Variants in GREB1L observed in about 807,000 individuals in gnomAD.
The protein encoded by GREB1L is GREB1 like retinoic acid receptor coactivator.
In GREB1L, 17 loss-of-function variants were observed where a neutral mutation model predicts 200.8. The ratio of observed to expected loss-of-function variants is 0.08; its 90% CI spans 0.06 to 0.13. GREB1L has a LOEUF of 0.13. Among genes scored for constraint, GREB1L ranks in the 10% least tolerant of loss-of-function variants. The probability of loss-of-function intolerance (pLI) is 1.00; values close to 1 mark genes in which losing one functional copy is unlikely to be tolerated. For missense variants in GREB1L, 1,657 were observed against 2,367.7 expected (o/e 0.70, Z 6.23); for synonymous variants, 789 against 893.0 (o/e 0.88, Z 2.08).
intron 23 of GREB1L, among the ~76,000 whole-genome samples, chr18:21,501,119 C>A (rs889930088): frequency 6.6e-6 from 1 of 151,232 alleles, no homozygotes; most frequent in Non-Finnish European, 1.5e-5. Flanking sequence ...AGAATGTGCC[C>A]GGCAAATAGT....
chr18:21,522,239 G>A (rs1259128677), intron 32 of GREB1L, among the ~76,000 whole-genome samples: 1 of 151,980 alleles, frequency 6.6e-6, no homozygotes, highest in Admixed American at 6.6e-5. Context: ...TTGGAAGGCC[G>A]AGGCAGGTGG....
intron 4 of GREB1L, among the ~76,000 whole-genome samples, chr18:21,393,123 G>A (rs2040896595): frequency 6.6e-6 from 1 of 152,100 alleles, no homozygotes; most frequent in Non-Finnish European, 1.5e-5. Context: ...GCCAGTAACT[G>A]ATAGCATTCA....
chr18:21,485,358 G>T, intron 17 of GREB1L: 2 of 316,376 alleles, frequency 6.3e-6, no homozygotes, highest in Non-Finnish European at 1.2e-5. Context: ...AAAAAAAAAA[G>T]AAAACAAACC....
At position 21,287,181 on chromosome 18, in the gene GREB1L, A is replaced by C. The variant is rs117116873; in HGVS notation, c.-120+44788A>C. 4.6e-5 allele frequency among the ~76,000 whole-genome samples: 7 copies of C among 152,194 alleles called. No individual in the cohort carries two copies. The East Asian group carries it at 1.4e-3, about 29-fold the overall frequency. On this transcript the variant is annotated intron_variant, in intron 1 of 32. Coordinates refer to ENST00000424526, the MANE Select transcript of GREB1L (RefSeq NM_001142966.3). ...CTGAGTTTTTTGTTTGTTTCGAAAA[A>C]CAGAAAAGAAATAGAATAGAGTATG...
chr18:21,421,040 T>C (rs890229346), intron 7 of GREB1L, among the ~76,000 whole-genome samples: 1 of 152,168 alleles, frequency 6.6e-6, no homozygotes, highest in Non-Finnish European at 1.5e-5. Context: ...TGTACAATTC[T>C]ATGCATAGAA....
At chr18:21,353,099 G>A (rs2039457309) in intron 1 of GREB1L, among the ~76,000 whole-genome samples, 2 of 151,532 alleles carry the variant, frequency 1.3e-5, no homozygotes, top group Admixed American at 1.3e-4. Flanking sequence ...AGAGAATGGT[G>A]TGAACCTGGG....
At chr18:21,268,599 A>ATATATATAT (rs1567914999) in intron 1 of GREB1L, among the ~76,000 whole-genome samples, 3 of 133,058 alleles carry the variant, frequency 2.3e-5, no homozygotes, top group Non-Finnish European at 3.1e-5. Flanking sequence ...ATATACATGT[A>ATATATATAT]TATATATATG....
Position 21,509,515 on chromosome 18 carries a change from C to T in GREB1L, c.4735+924C>T, listed in dbSNP as rs117409111. On this transcript the variant is annotated intron_variant, in intron 27 of 32. Coordinates refer to ENST00000424526, the MANE Select transcript of GREB1L (RefSeq NM_001142966.3). ...TGCCTCTCCCTTCCTTCTTAGGTCT[C>T]TCCCATTTCTTGTTCCTTTCTATGC... is the stretch of plus-strand genomic sequence containing the variant. Among the ~76,000 whole-genome samples the T allele has an allele frequency of 6.5e-3, 993 of 152,314 alleles. 4 individuals carry two copies. Among genetic ancestry groups the T allele is most frequent in the Non-Finnish European group, 0.011 (770 of 68,030 alleles).
At chr18:21,382,314 C>CT (rs2144022411) in intron 2 of GREB1L, among the ~76,000 whole-genome samples, 2 of 151,988 alleles carry the variant, frequency 1.3e-5, no homozygotes, top group African/African-American at 4.8e-5. Flanking sequence ...GCACTCCAGC[C>CT]TGGGTAACAG....
chr18:21,404,107 T>C, intron 7 of GREB1L, 113 bp downstream of exon 7: 1 of 957,894 alleles, frequency 1.0e-6, no homozygotes, highest in Non-Finnish European at 1.5e-6. Flanking sequence ...AAAATAAAGG[T>C]ATTACTTGAG....
chr18:21,299,200 C>T (rs1336571916), intron 1 of GREB1L, among the ~76,000 whole-genome samples: 1 of 151,412 alleles, frequency 6.6e-6, no homozygotes, highest in African/African-American at 2.4e-5. Flanking sequence ...ATCACTTGAA[C>T]CCTGGAGGCG....
At chr18:21,357,392 G>A (rs1391678224) in intron 1 of GREB1L, among the ~76,000 whole-genome samples, 2 of 152,240 alleles carry the variant, frequency 1.3e-5, no homozygotes, top group Non-Finnish European at 2.9e-5. Flanking sequence ...CCCCTAATTA[G>A]ATGTATGGTT....
intron 1 of GREB1L, among the ~76,000 whole-genome samples, chr18:21,328,647 A>G (rs1354235191): frequency 2.0e-5 from 3 of 152,126 alleles, no homozygotes; most frequent in Admixed American, 6.5e-5. Flanking sequence ...AGGCTGATGC[A>G]TCTGATACGT....
chr18:21,416,206 A>AAAT (rs1243309253), intron 7 of GREB1L, among the ~76,000 whole-genome samples: 1 of 145,552 alleles, frequency 6.9e-6, no homozygotes, highest in Admixed American at 7.2e-5. Flanking sequence ...TTGAAAAAGA[A>AAAT]AAGAATAATG....
chr18:21,411,448 C>G (rs527627102), intron 7 of GREB1L, among the ~76,000 whole-genome samples: 1 of 151,706 alleles, frequency 6.6e-6, no homozygotes, highest in Admixed American at 6.6e-5. Flanking sequence ...CCTCATGATC[C>G]GCCTGCCTCG....
chr18:21,434,110 A>G (rs2033353738), intron 7 of GREB1L, among the ~76,000 whole-genome samples: 2 of 152,180 alleles, frequency 1.3e-5, no homozygotes, highest in African/African-American at 2.4e-5. Context: ...CCTACATTTC[A>G]GTGAGTTGGT....
chr18:21,468,626 ACTATAATACAATTATCAGAGCAGGAAC>A (rs894230324), intron 15 of GREB1L: 1 of 431,458 alleles, frequency 2.3e-6, no homozygotes, highest in African/African-American at 2.0e-5. Context: ...AACTTACCTA[ACTATAATACAATTATCAGAGCAGGAAC>A]TCAGTGCCAG....
At chr18:21,315,297 C>T (rs769956707) in intron 1 of GREB1L, among the ~76,000 whole-genome samples, 14 of 152,130 alleles carry the variant, frequency 9.2e-5, no homozygotes, top group Admixed American at 5.2e-4. Flanking sequence ...CACTATGTTG[C>T]GCAGGCTGGT....
intron 1 of GREB1L, among the ~76,000 whole-genome samples, chr18:21,277,515 A>G (rs180993882): frequency 6.6e-5 from 10 of 152,182 alleles, no homozygotes; most frequent in Non-Finnish European, 1.5e-4. Context: ...CCTGCCTCTT[A>G]AGTAGAATTT....
Sources: gnomAD v4.1 joint callset for allele counts (sites outside exome capture counted in the v4.1 genomes callset) on GRCh38, gnomAD v4.1.1 for gene constraint, MANE v1.5 for transcripts, NCBI Gene and HGNC (gene_info 2026-07-23, HGNC 2026-07-21) for gene names.